PHTF1: variants seen among roughly 807,000 people sequenced by gnomAD.
PHTF1 encodes protein PHTF1.
Under a neutral mutation model 102.4 loss-of-function variants are expected in PHTF1, and 88 were observed. The ratio of observed to expected loss-of-function variants is 0.86; its 90% confidence interval spans 0.72 to 1.03. The LOEUF is 1.03. PHTF1 is among the 50% of genes least tolerant of loss of function. PHTF1 has a pLI of 0.00. For synonymous variants in PHTF1, 289 were observed against 305.2 expected, an observed-to-expected ratio of 0.95 and a Z score of 0.55; for missense variants, 814 against 909.5, an observed-to-expected ratio of 0.89 and a Z score of 1.35.
intron 5 of PHTF1, 82 bp from the exon 6 acceptor site, chr1:113,726,656 T>C (rs1653887507): frequency 2.3e-6 from 2 of 883,144 alleles, no homozygotes; most frequent in East Asian, 5.9e-5. Flanking sequence ...ATTGTTTCTA[T>C]AAAAATCCAT....
At chr1:113,704,900 TG>T in intron 13 of PHTF1, 103 bp from the exon 14 acceptor site, 1 of 857,632 alleles carries the variant, frequency 1.2e-6, no homozygotes, top group Non-Finnish European at 1.8e-6. Flanking sequence ...TTAAAAAGAA[TG>T]AAGTTCTAAT....
chr1:113,740,710 C>A (rs2101618334), intron 3 of PHTF1, among the ~76,000 whole-genome samples: 1 of 152,218 alleles, frequency 6.6e-6, no homozygotes, highest in East Asian at 1.9e-4. Flanking sequence ...AATCATTAAT[C>A]CATTTTGACT....
Position 113,744,805 on chromosome 1 carries a change from G to A in PHTF1, c.103-6006C>T, listed in dbSNP as rs548339289. 1.4e-4 allele frequency among the ~76,000 whole-genome samples: 21 copies of A among 152,142 alleles called. No individual in the cohort carries two copies. The South Asian group carries it at 2.7e-3, about 20-fold the overall frequency. On this transcript the variant is annotated intron_variant, in intron 3 of 18. Transcript: ENST00000369604. The stretch of plus-strand genomic sequence containing the variant: ...TATACTAAAATGCCAAAAATTAGCC[G>A]GGAGTAGCTGCTATGAGCCTGTAGT...
At position 113,699,287 on chromosome 1, in the gene PHTF1, AG is replaced by A; in HGVS notation, c.2142+416del. On this transcript the variant is annotated intron_variant, in intron 17 of 18. Transcript: ENST00000369604. ...TAGTCTCCTCACACAGGGAGGATAA[AG>A]AGCTTGACCATGATTATAGCCCCAT... The A allele has an allele frequency of 1.1e-5, 3 of 265,628 alleles. No homozygotes were observed. In the South Asian group the frequency reaches 1.2e-4, roughly 10 times the overall value. The allele number at this position is 265,628 out of a possible 1,614,324, so 16.5% of individuals were successfully genotyped here.
intron 1 of PHTF1, 58 bp from the exon 2 acceptor site, chr1:113,758,791 T>C: frequency 6.5e-7 from 1 of 1,545,898 alleles, no homozygotes; most frequent in Non-Finnish European, 8.7e-7. Context: ...CTCTCCCAGT[T>C]TGGGTAGGAC....
chr1:113,757,834 T>C (rs1659107361), intron 2 of PHTF1, 79 bp from the exon 3 acceptor site: 3 of 916,268 alleles, frequency 3.3e-6, no homozygotes, highest in Non-Finnish European at 1.8e-6. Context: ...ATAAAAGTCA[T>C]GAGCCTATTA....
At chr1:113,758,231 CA>C (rs1162537319) in intron 2 of PHTF1, among the ~76,000 whole-genome samples, 3,623 of 58,072 alleles carry the variant, frequency 0.062, 36 homozygotes, top group African/African-American at 0.16. Flanking sequence ...AACTCCGTCT[CA>C]AAAAAAAAAA....
chr1:113,704,842 T>A, intron 13 of PHTF1, 45 bp from the exon 14 acceptor site: 1 of 1,299,506 alleles, frequency 7.7e-7, no homozygotes, highest in Non-Finnish European at 1.1e-6. Context: ...TATGTATGTG[T>A]CTGTGTATTC....
intron 11 of PHTF1, among the ~76,000 whole-genome samples, chr1:113,708,476 A>C (rs955858408): frequency 3.3e-5 from 5 of 152,194 alleles, no homozygotes; most frequent in African/African-American, 1.2e-4. Context: ...AAATACAAAA[A>C]TTAGCCAGGT....
At chr1:113,722,919 C>CAAATAAAT (rs34016504) in intron 7 of PHTF1, among the ~76,000 whole-genome samples, 4,094 of 134,734 alleles carry the variant, frequency 0.03, 83 homozygotes, top group Middle Eastern at 0.037. Context: ...GACTCCATCT[C>CAAATAAAT]AAATAAATAA....
intron 16 of PHTF1, 176 bp from the exon 17 acceptor site, chr1:113,699,975 C>A: frequency 1.4e-6 from 1 of 710,788 alleles, no homozygotes. Context: ...GATCAGTCTC[C>A]CTCTGGCAAA....
In PHTF1 at chr1:113,711,774, G is replaced by C. The variant is rs755031576; in HGVS notation, c.1019C>G (p.Ser340Ter). The change falls in exon 10 of 19, where the codon TCA (serine) becomes TGA (stop). Residue 340 changes from serine (S) to a stop codon, truncating the protein, a stop_gained. Coordinates refer to ENST00000369604, the MANE Select transcript of PHTF1 (RefSeq NM_001323043.2). LOFTEE classifies it high-confidence loss of function. The part of the protein sequence containing the change: ...IVRDSDSLAE[S>*]EFESAAFSQG... ...GCTGAAGGCTGCTGATTCAAATTCT[G>C]ATTCAGCCAGACTATCTGAATCCCG... 2 of 1,613,742 alleles carry C rather than the reference G, an allele frequency of 1.2e-6. No individual in the cohort carries two copies. Among genetic ancestry groups the C allele is most frequent in the South Asian group, 1.1e-5 (1 of 91,050 alleles).
chr1:113,757,785 C>A (rs780535598), intron 2 of PHTF1, 30 bp from the exon 3 acceptor site: 4 of 1,421,468 alleles, frequency 2.8e-6, no homozygotes. Flanking sequence ...ATTAGTTAAA[C>A]GATGCAAAGG....
At chr1:113,720,916 G>A (rs990636167) in intron 7 of PHTF1, among the ~76,000 whole-genome samples, 4 of 152,168 alleles carry the variant, frequency 2.6e-5, no homozygotes, top group African/African-American at 7.2e-5. Context: ...CTCAATACTT[G>A]ACTTCTGTGC....
In PHTF1 at chr1:113,697,607, A is replaced by T. The variant is rs922069066; in HGVS notation, c.*98T>A. 1 of 834,846 alleles carries T rather than the reference A, an allele frequency of 1.2e-6. No individual in the cohort carries two copies. The highest frequency in any genetic ancestry group is 1.5e-5 in the South Asian group (1 of 68,492). 51.7% of individuals were successfully genotyped at this position (834,846 alleles called of 1,614,324 possible). On this transcript the variant is annotated 3_prime_UTR_variant, in exon 19 of 19. Transcript: ENST00000369604. ...GAGCTGAGAGCACCTGTGCATGTGA[A>T]CAAGCAGGTGGGTATCTCACTGGTT...
At chr1:113,741,543 T>C (rs1656357070) in intron 3 of PHTF1, among the ~76,000 whole-genome samples, 1 of 152,244 alleles carries the variant, frequency 6.6e-6, no homozygotes, top group South Asian at 2.1e-4. Context: ...CCCATCACTT[T>C]AGAGCCAAAA....
At chr1:113,739,957 A>G (rs1380648540) in intron 3 of PHTF1, among the ~76,000 whole-genome samples, 1 of 152,226 alleles carries the variant, frequency 6.6e-6, no homozygotes, top group Non-Finnish European at 1.5e-5. Flanking sequence ...TATATATACC[A>G]TATTTTCTTA....
chr1:113,698,620 T>TACACACAC (rs56167437), intron 17 of PHTF1, among the ~76,000 whole-genome samples: 18 of 49,754 alleles, frequency 3.6e-4, no homozygotes, highest in African/African-American at 5.8e-4. Flanking sequence ...TATATATATA[T>TACACACAC]ACACACACAC....
chr1:113,719,943 G>A (rs573204000), intron 7 of PHTF1, among the ~76,000 whole-genome samples: 68 of 152,240 alleles, frequency 4.5e-4, no homozygotes, highest in Admixed American at 4.3e-3. Context: ...AGATGGTGGC[G>A]GCAAGAGAAA....
Sources: gnomAD v4.1 joint callset for allele counts (sites outside exome capture counted in the v4.1 genomes callset) on GRCh38, gnomAD v4.1.1 for gene constraint, MANE v1.5 for transcripts, NCBI Gene and HGNC (gene_info 2026-07-23, HGNC 2026-07-21) for gene names.